Variants in TMEM232 observed in about 807,000 individuals in gnomAD.
TMEM232 encodes transmembrane protein 232.
A neutral mutation model predicts 78.8 loss-of-function variants in TMEM232; 80 were observed. The ratio of observed to expected loss-of-function variants is 1.01; its 90% confidence interval spans 0.85 to 1.22. The LOEUF is 1.22. Ranked by LOEUF, TMEM232 falls within the 50% of genes most tolerant of loss-of-function variation. The pLI, the probability that TMEM232 is intolerant of heterozygous loss-of-function variation, is 0.00. For missense variants in TMEM232, 881 were observed against 742.2 expected, an observed-to-expected ratio of 1.19 and a Z score of -2.17; for synonymous variants, 297 against 254.3, an observed-to-expected ratio of 1.17 and a Z score of -1.60.
chr5:110,510,909 A>T (rs536947855), intron 12 of TMEM232, among the ~76,000 whole-genome samples: 1 of 152,348 alleles, frequency 6.6e-6, no homozygotes, highest in South Asian at 2.1e-4. Flanking sequence ...ATCTAGAATC[A>T]GAAATACCAT....
chr5:110,524,728 A>G (rs192080103), intron 12 of TMEM232, among the ~76,000 whole-genome samples: 21 of 152,144 alleles, frequency 1.4e-4, no homozygotes, highest in African/African-American at 4.6e-4. Context: ...TGTTTTATCC[A>G]TTATTGAATG....
intron 2 of TMEM232, among the ~76,000 whole-genome samples, chr5:110,659,177 G>T (rs1221018665): frequency 6.6e-6 from 1 of 152,096 alleles, no homozygotes; most frequent in Non-Finnish European, 1.5e-5. Context: ...GGTGTCAGTG[G>T]ATAAATTAAT....
intron 12 of TMEM232, among the ~76,000 whole-genome samples, chr5:110,492,539 A>T (rs1765224603): frequency 6.6e-6 from 1 of 151,972 alleles, no homozygotes; most frequent in African/African-American, 2.4e-5. Context: ...ATTCTGACAA[A>T]TCACATCTAC....
intron 5 of TMEM232, among the ~76,000 whole-genome samples, chr5:110,631,004 G>A (rs983587221): frequency 6.6e-6 from 1 of 152,012 alleles, no homozygotes; most frequent in Non-Finnish European, 1.5e-5. Context: ...AGCAACTACA[G>A]CAGTGTACCA....
intron 13 of TMEM232, among the ~76,000 whole-genome samples, chr5:110,422,816 CA>C (rs1431903968): frequency 4.6e-5 from 7 of 152,146 alleles, no homozygotes; most frequent in African/African-American, 1.7e-4. Context: ...ACCATGACAA[CA>C]GATCAATTTG....
At chr5:110,482,476 G>A (rs1460569354) in intron 12 of TMEM232, among the ~76,000 whole-genome samples, 1 of 151,902 alleles carries the variant, frequency 6.6e-6, no homozygotes, top group Non-Finnish European at 1.5e-5. Flanking sequence ...AGCTACTCGG[G>A]AGGCTGAGGC....
At chr5:110,467,345 G>C (rs1466486852) in intron 12 of TMEM232, among the ~76,000 whole-genome samples, 4 of 152,310 alleles carry the variant, frequency 2.6e-5, no homozygotes, top group Non-Finnish European at 2.9e-5. Flanking sequence ...CCTCCTGGTA[G>C]AGAACAGAGA....
intron 10 of TMEM232, among the ~76,000 whole-genome samples, chr5:110,577,585 A>G (rs1777708797): frequency 6.6e-6 from 1 of 152,140 alleles, no homozygotes; most frequent in Non-Finnish European, 1.5e-5. Flanking sequence ...TATTCACTGC[A>G]GCACTATTCA....
At chr5:110,472,827 G>A (rs1762826777) in intron 12 of TMEM232, among the ~76,000 whole-genome samples, 1 of 151,844 alleles carries the variant, frequency 6.6e-6, no homozygotes, top group African/African-American at 2.4e-5. Context: ...CTGGGGTAAG[G>A]ACAGTCTTTT....
chr5:110,507,740 G>C (rs1767090972), intron 12 of TMEM232, among the ~76,000 whole-genome samples: 1 of 152,152 alleles, frequency 6.6e-6, no homozygotes, highest in Non-Finnish European at 1.5e-5. Context: ...CAGATAGTGA[G>C]CATTATTGGA....
At chr5:110,557,783 C>G (rs1233325711) in intron 11 of TMEM232, among the ~76,000 whole-genome samples, 8 of 152,134 alleles carry the variant, frequency 5.3e-5, no homozygotes, top group Admixed American at 5.2e-4. Flanking sequence ...TCACCTCCCC[C>G]CAGGCCCCAT....
intron 1 of TMEM232, among the ~76,000 whole-genome samples, chr5:110,709,957 T>C (rs1796304738): frequency 6.7e-6 from 1 of 149,628 alleles, no homozygotes; most frequent in African/African-American, 2.5e-5. Context: ...AAGAAAAAAA[T>C]CAAAAAAATC....
At chr5:110,590,234 A>G (rs1448218414) in intron 10 of TMEM232, among the ~76,000 whole-genome samples, 5 of 152,166 alleles carry the variant, frequency 3.3e-5, no homozygotes, top group Non-Finnish European at 7.3e-5. Flanking sequence ...CACAAACCTC[A>G]GAGTGGAAAA....
At chr5:110,603,434 G>T (rs1480082336) in intron 10 of TMEM232, among the ~76,000 whole-genome samples, 2 of 152,152 alleles carry the variant, frequency 1.3e-5, no homozygotes, top group African/African-American at 4.8e-5. Flanking sequence ...GGGAGGCCAA[G>T]AGGTTTCTGG....
intron 5 of TMEM232, among the ~76,000 whole-genome samples, chr5:110,631,975 T>A (rs1785188642): frequency 6.6e-6 from 1 of 151,802 alleles, no homozygotes; most frequent in African/African-American, 2.4e-5. Context: ...AGAGCAAGTA[T>A]CTTGTATGCT....
At chr5:110,684,756 C>G (rs1303021519) in intron 1 of TMEM232, 2 of 152,022 alleles carry the variant, frequency 1.3e-5, no homozygotes, top group African/African-American at 2.4e-5. Context: ...ACATTTTTCC[C>G]AAACACACAA....
At chr5:110,656,313 T>C (rs568869747) in intron 2 of TMEM232, among the ~76,000 whole-genome samples, 6 of 152,316 alleles carry the variant, frequency 3.9e-5, no homozygotes, top group African/African-American at 1.4e-4. Context: ...GGCCATTTTA[T>C]CTCCACGTGT....
chr5:110,397,752 T>A (rs948261945), intron 3 of TMEM232: 3 of 152,642 alleles, frequency 2.0e-5, no homozygotes, highest in Non-Finnish European at 2.9e-5. Flanking sequence ...TTGTTAGATA[T>A]GGTAATTTTT....
chr5:110,503,722 A>G (rs1339689251), intron 12 of TMEM232, among the ~76,000 whole-genome samples: 1 of 152,194 alleles, frequency 6.6e-6, no homozygotes, highest in Non-Finnish European at 1.5e-5. Flanking sequence ...TAAGCCCATT[A>G]CTATCCCTGT....
Sources: gnomAD v4.1 joint callset for allele counts (sites outside exome capture counted in the v4.1 genomes callset) on GRCh38, gnomAD v4.1.1 for gene constraint, MANE v1.5 for transcripts, NCBI Gene and HGNC (gene_info 2026-07-23, HGNC 2026-07-21) for gene names.